The following IYD variants were observed in gnomAD, a reference collection of about 807,000 sequenced individuals.
IYD encodes iodotyrosine deiodinase 1.
Under a neutral mutation model 28.4 loss-of-function variants are expected in IYD, and 25 were observed. That is an observed-to-expected ratio of 0.88 (90% confidence interval 0.64 to 1.23). The LOEUF (loss-of-function observed/expected upper bound fraction) is 1.23. Ranked by LOEUF, IYD falls within the 50% of genes most tolerant of loss-of-function variation. The probability of loss-of-function intolerance (pLI) is 0.00; values close to 1 mark genes in which losing one functional copy is unlikely to be tolerated. For synonymous variants in IYD, 140 were observed against 130.8 expected (o/e 1.07, Z -0.48); for missense variants, 352 against 357.9 (o/e 0.98, Z 0.13).
chr6:150,392,512 CAG>C lies in IYD; in HGVS notation c.530+9_530+10del, dbSNP rs1388012421. On this transcript the variant is annotated intron_variant, in intron 3 of 4. Transcript: ENST00000344419. Reference sequence around the variant, plus strand: ...AGACCTCAAGAAACTGAGGTACAAACAGTGGTGGAACTGGGGATGTTTGCCTT... The same window carrying C: ...AGACCTCAAGAAACTGAGGTACAAACTGGTGGAACTGGGGATGTTTGCCTT... The C allele has an allele frequency of 1.9e-6, 3 of 1,613,674 alleles. No individual in the cohort carries two copies. The highest frequency in any genetic ancestry group is 1.7e-4 in the Middle Eastern group (1 of 6,028).
chr6:150,378,407 C>T (rs1439953004), intron 1 of IYD, among the ~76,000 whole-genome samples: 1 of 151,896 alleles, frequency 6.6e-6, no homozygotes, highest in East Asian at 1.9e-4. Flanking sequence ...TCAATTCCCA[C>T]CTATAAGTGA....
At chr6:150,397,976 C>T in intron 4 of IYD, 79 bp from the exon 5 acceptor site, 2 of 1,382,446 alleles carry the variant, frequency 1.4e-6, no homozygotes, top group South Asian at 1.2e-5. Flanking sequence ...ATAATCAGGA[C>T]AAGAAGGTCC....
At chr6:150,379,801 A>G (rs951614787) in intron 1 of IYD, among the ~76,000 whole-genome samples, 1 of 152,110 alleles carries the variant, frequency 6.6e-6, no homozygotes, top group Non-Finnish European at 1.5e-5. Flanking sequence ...TTGACTATCC[A>G]TTATCTGATC....
chr6:150,395,596 T>A (rs1208235792), intron 4 of IYD: 1 of 1,523,846 alleles, frequency 6.6e-7, no homozygotes, highest in African/African-American at 1.4e-5. Flanking sequence ...TCTTTTTCAC[T>A]TTGCCATTGA....
At chr6:150,389,872 C>T (rs1778045025) in intron 2 of IYD, among the ~76,000 whole-genome samples, 3 of 151,996 alleles carry the variant, frequency 2.0e-5, no homozygotes, top group South Asian at 4.1e-4. Context: ...TCTTTCTTTC[C>T]CTCTCCTTAA....
chr6:150,377,468 A>T (rs1250840659), intron 1 of IYD, among the ~76,000 whole-genome samples: 1 of 152,224 alleles, frequency 6.6e-6, no homozygotes, highest in African/African-American at 2.4e-5. Flanking sequence ...AGGCTCCAGG[A>T]ATGGCAGCCC....
chr6:150,370,082 C>T (rs1379119389), intron 1 of IYD: 2 of 700,890 alleles, frequency 2.9e-6, no homozygotes, highest in East Asian at 2.7e-5. Context: ...GGGATGGGTT[C>T]GATTTGGAAG....
At position 150,398,101 on chromosome 6, in the gene IYD, C is replaced by G; in HGVS notation, c.734C>G (p.Pro245Arg). The G allele has an allele frequency of 6.2e-7, 1 of 1,614,196 alleles. No individual in the cohort carries two copies. The highest frequency in any genetic ancestry group is 1.1e-5 in the South Asian group (1 of 91,078). Residue 245 changes from proline to arginine, a missense_variant, in exon 5 of 5, where the codon CCT becomes CGT. Physicochemically the swap from Pro to Arg is moderately radical, Grantham distance 103. Coordinates refer to ENST00000344419, the MANE Select transcript of IYD (RefSeq NM_203395.3). ...ACTACCACTCCTCTCAACTGTGGCC[C>G]TCGACTGAGGGTGCTCCTGGGCCGC... is the stretch of plus-strand genomic sequence containing the variant. ...TVTTTPLNCG[P>R]RLRVLLGRPA...
At position 150,380,114 on chromosome 6, in the gene IYD, A is replaced by G. The variant is rs371757571; in HGVS notation, c.179-9238A>G. ...CACTAATATATATATCAAAGGCTCAATAAAAGCCTTGTTGAATGACTTGTA... is the reference window on the plus strand; with the variant it reads ...CACTAATATATATATCAAAGGCTCAGTAAAAGCCTTGTTGAATGACTTGTA... On this transcript the variant is annotated intron_variant, in intron 1 of 4. Coordinates refer to ENST00000344419, the MANE Select transcript of IYD (RefSeq NM_203395.3). Among the ~76,000 whole-genome samples, 12 of 152,340 alleles carry G rather than the reference A, an allele frequency of 7.9e-5. 1 individual carries two copies. Among genetic ancestry groups the G allele is most frequent in the Admixed American group, 6.5e-5 (1 of 15,302 alleles).
chr6:150,389,633 C>T (rs553971232), intron 2 of IYD, 90 bp downstream of exon 2: 27 of 1,132,576 alleles, frequency 2.4e-5, no homozygotes, highest in Middle Eastern at 2.0e-4. Flanking sequence ...TTAAACATAG[C>T]GAATAAAGCC....
chr6:150,402,245 G>A lies in IYD; in HGVS notation c.*4008G>A, dbSNP rs1778532106. On this transcript the variant is annotated 3_prime_UTR_variant, in exon 5 of 5. Coordinates refer to ENST00000344419, the MANE Select transcript of IYD (RefSeq NM_203395.3). ...CTGTGGGATGCAACTTCTAGGGCAT[G>A]GCTGCCTCCTTCCTAGAGGCAGCAG... 1 of 152,196 alleles carries A rather than the reference G, an allele frequency of 6.6e-6. No homozygotes were observed. Among genetic ancestry groups the A allele is most frequent in the African/African-American group, 2.4e-5 (1 of 41,434 alleles). 9.4% of individuals were successfully genotyped at this position (152,196 alleles called of 1,614,324 possible).
At chr6:150,389,079 A>C (rs1778012383) in intron 1 of IYD, among the ~76,000 whole-genome samples, 1 of 152,094 alleles carries the variant, frequency 6.6e-6, no homozygotes, top group Non-Finnish European at 1.5e-5. Flanking sequence ...ATGATAGCTC[A>C]CTGCAGCCTT....
chr6:150,394,832 TTTTTG>T (rs1258221576), intron 4 of IYD, among the ~76,000 whole-genome samples: 3 of 152,208 alleles, frequency 2.0e-5, no homozygotes, highest in African/African-American at 7.2e-5. Context: ...TCTGAGCTCC[TTTTTG>T]TTTTGTTTTG....
intron 4 of IYD, among the ~76,000 whole-genome samples, chr6:150,397,091 C>A (rs1239892316): frequency 1.3e-5 from 2 of 152,000 alleles, no homozygotes; most frequent in Non-Finnish European, 2.9e-5. Flanking sequence ...GTATAAGAGA[C>A]CTTCAGCAAG....
intron 2 of IYD, among the ~76,000 whole-genome samples, chr6:150,389,892 G>C (rs541700153): frequency 2.6e-5 from 4 of 152,140 alleles, no homozygotes; most frequent in African/African-American, 9.6e-5. Flanking sequence ...AAACACACCA[G>C]ACATACACAC....
Position 150,398,487 on chromosome 6 carries a change from AT to A in IYD, c.*254del. ...ACAAAGAACATGCCCGGGTTTTTAC[AT>A]TTTAAAAGTTATTCTAGACAATCAC... On this transcript the variant is annotated 3_prime_UTR_variant, in exon 5 of 5. Coordinates refer to ENST00000344419, the MANE Select transcript of IYD (RefSeq NM_203395.3). The A allele has an allele frequency of 2.1e-6, 1 of 483,832 alleles. No individual in the cohort carries two copies. Among genetic ancestry groups the A allele is most frequent in the Non-Finnish European group, 3.7e-6 (1 of 272,826 alleles). 30.0% of individuals were successfully genotyped at this position (483,832 alleles called of 1,614,324 possible). A position where few individuals can be genotyped will look rare whatever the true frequency, so the allele number is the denominator to read the frequency against.
chr6:150,385,565 T>C (rs961820624), intron 1 of IYD, among the ~76,000 whole-genome samples: 1 of 67,264 alleles, frequency 1.5e-5, no homozygotes, highest in Non-Finnish European at 3.1e-5. Context: ...TTGGCCAAGA[T>C]GTATTTTTTT....
intron 1 of IYD, among the ~76,000 whole-genome samples, chr6:150,381,582 A>T (rs1777649249): frequency 6.6e-6 from 1 of 152,200 alleles, no homozygotes; most frequent in Non-Finnish European, 1.5e-5. Flanking sequence ...CACATCCAAC[A>T]TTTCATAAAC....
At chr6:150,391,630 G>C (rs1257898585) in intron 2 of IYD, among the ~76,000 whole-genome samples, 1 of 152,174 alleles carries the variant, frequency 6.6e-6, no homozygotes, top group Non-Finnish European at 1.5e-5. Context: ...AACAAACTTG[G>C]CAGCAGCATG....
Sources: gnomAD v4.1 joint callset for allele counts (sites outside exome capture counted in the v4.1 genomes callset) on GRCh38, gnomAD v4.1.1 for gene constraint, MANE v1.5 for transcripts, NCBI Gene and HGNC (gene_info 2026-07-23, HGNC 2026-07-21) for gene names.